NRG1: variants seen among roughly 807,000 people sequenced by gnomAD.
The protein encoded by NRG1 is pro-neuregulin-1, membrane-bound isoform.
NRG1 carries 18 observed loss-of-function variants against 63.8 expected under a neutral mutation model. That is an observed-to-expected ratio of 0.28 (90% CI 0.19 to 0.42). NRG1 has a LOEUF of 0.42. Ranked by LOEUF, NRG1 falls within the 10% of genes least tolerant of loss-of-function variation. The probability of loss-of-function intolerance (pLI) is 1.00; values close to 1 mark genes in which losing one functional copy is unlikely to be tolerated. For missense variants in NRG1, 762 were observed against 814.7 expected (o/e 0.94, Z 0.79); for synonymous variants, 302 against 301.3 (o/e 1.00, Z -0.02).
chr8:31,794,634 T>C (rs915758678), intron 1 of NRG1, among the ~76,000 whole-genome samples: 9 of 152,024 alleles, frequency 5.9e-5, no homozygotes, highest in African/African-American at 1.9e-4. Flanking sequence ...TATCAAATAA[T>C]GTCTTTTAAA....
At chr8:32,353,014 T>C (rs1184667396) in intron 1 of NRG1, among the ~76,000 whole-genome samples, 1 of 150,284 alleles carries the variant, frequency 6.7e-6, no homozygotes, top group Admixed American at 6.6e-5. Flanking sequence ...TCCACAAATG[T>C]TAAAAACATT....
chr8:31,729,025 G>A (rs1271638588), intron 1 of NRG1, among the ~76,000 whole-genome samples: 4 of 151,918 alleles, frequency 2.6e-5, no homozygotes, highest in East Asian at 1.9e-4. Flanking sequence ...AGGTAATAAC[G>A]TTTTCATTTA....
At chr8:32,559,475 A>G (rs1480622895) in intron 1 of NRG1, among the ~76,000 whole-genome samples, 2 of 152,258 alleles carry the variant, frequency 1.3e-5, no homozygotes, top group East Asian at 1.9e-4. Flanking sequence ...GAAAATAAGA[A>G]ATGGGAAATG....
chr8:32,022,220 A>C (rs768771545), intron 1 of NRG1, among the ~76,000 whole-genome samples: 1 of 152,192 alleles, frequency 6.6e-6, no homozygotes, highest in Non-Finnish European at 1.5e-5. Flanking sequence ...ACATTAGGTA[A>C]AGAGAGAGTT....
chr8:31,696,617 C>G (rs1810091810), intron 1 of NRG1, among the ~76,000 whole-genome samples: 1 of 152,214 alleles, frequency 6.6e-6, no homozygotes, highest in South Asian at 2.1e-4. Context: ...ATAATCCTAA[C>G]AGCAATTCTG....
intron 1 of NRG1, among the ~76,000 whole-genome samples, chr8:32,241,892 G>A (rs1848135173): frequency 6.6e-6 from 1 of 151,858 alleles, no homozygotes; most frequent in Admixed American, 6.6e-5. Context: ...CTGAGTAGCT[G>A]GGACTACAGG....
chr8:32,216,116 A>G (rs1489637973), intron 1 of NRG1, among the ~76,000 whole-genome samples: 2 of 151,334 alleles, frequency 1.3e-5, no homozygotes, highest in East Asian at 1.9e-4. Flanking sequence ...TAGATATTAT[A>G]CTATATTATG....
intron 1 of NRG1, among the ~76,000 whole-genome samples, chr8:32,533,464 A>T (rs1247992842): frequency 6.6e-6 from 1 of 152,110 alleles, no homozygotes; most frequent in Non-Finnish European, 1.5e-5. Flanking sequence ...AATTTTAATA[A>T]TTACCTCAAC....
intron 7 of NRG1, among the ~76,000 whole-genome samples, chr8:32,750,796 CAGAACA>C (rs1278389307): frequency 6.6e-6 from 1 of 151,446 alleles, no homozygotes; most frequent in Non-Finnish European, 1.5e-5. Context: ...TTGTGCCTCG[CAGAACA>C]TCTCCAAAGA....
chr8:32,004,752 T>C (rs1398146768), intron 1 of NRG1, among the ~76,000 whole-genome samples: 3 of 151,380 alleles, frequency 2.0e-5, no homozygotes, highest in Non-Finnish European at 4.4e-5. Context: ...CACAAAACAA[T>C]CCAGACTAAC....
chr8:32,132,814 CT>C (rs1444744844), intron 1 of NRG1, among the ~76,000 whole-genome samples: 4 of 152,092 alleles, frequency 2.6e-5, no homozygotes, highest in Non-Finnish European at 4.4e-5. Context: ...TTAAAACTCT[CT>C]TTTTATTTTA....
intron 1 of NRG1, among the ~76,000 whole-genome samples, chr8:32,001,537 A>G (rs186607): frequency 0.02 from 2,989 of 152,134 alleles, 98 homozygotes; most frequent in African/African-American, 0.068. Flanking sequence ...ATCAATAGAT[A>G]TTGATATCAA....
At chr8:32,271,092 C>CA (rs1363013005) in intron 1 of NRG1, among the ~76,000 whole-genome samples, 1 of 152,064 alleles carries the variant, frequency 6.6e-6, no homozygotes, top group Non-Finnish European at 1.5e-5. Flanking sequence ...CTCCTCTTGT[C>CA]AAAATCTCAC....
chr8:31,944,157 A>G (rs1802183209), intron 1 of NRG1, among the ~76,000 whole-genome samples: 1 of 152,158 alleles, frequency 6.6e-6, no homozygotes, highest in Non-Finnish European at 1.5e-5. Context: ...TAGCCTAGTC[A>G]GAAGCTCTGA....
At chr8:31,853,980 T>C (rs1827547431) in intron 1 of NRG1, among the ~76,000 whole-genome samples, 1 of 148,820 alleles carries the variant, frequency 6.7e-6, no homozygotes, top group African/African-American at 2.5e-5. Context: ...TCATGGTGGA[T>C]AAGCTTTTTG....
intron 5 of NRG1, among the ~76,000 whole-genome samples, chr8:32,664,070 G>A (rs1006844882): frequency 6.6e-6 from 1 of 152,056 alleles, no homozygotes; most frequent in African/African-American, 2.4e-5. Context: ...TATGAATTAG[G>A]TTTTAAGTCT....
At chr8:32,644,009 C>T (rs1563836658) in intron 5 of NRG1, among the ~76,000 whole-genome samples, 1 of 152,068 alleles carries the variant, frequency 6.6e-6, no homozygotes, top group Non-Finnish European at 1.5e-5. Flanking sequence ...TCAGAACGTA[C>T]TCAAATCTTG....
intron 1 of NRG1, among the ~76,000 whole-genome samples, chr8:31,963,119 A>G (rs1245647797): frequency 1.3e-5 from 2 of 152,206 alleles, no homozygotes; most frequent in East Asian, 3.9e-4. Context: ...ATTGATTACA[A>G]TCATCTGTCA....
chr8:32,701,984 T>C (rs1038399957), intron 5 of NRG1, among the ~76,000 whole-genome samples: 1 of 152,230 alleles, frequency 6.6e-6, no homozygotes, highest in African/African-American at 2.4e-5. Flanking sequence ...GGAATTGTAT[T>C]TTCCCTTTTC....
Sources: gnomAD v4.1 joint callset for allele counts (sites outside exome capture counted in the v4.1 genomes callset) on GRCh38, gnomAD v4.1.1 for gene constraint, MANE v1.5 for transcripts, NCBI Gene and HGNC (gene_info 2026-07-23, HGNC 2026-07-21) for gene names.